NDUFV2: variants seen among roughly 807,000 people sequenced by gnomAD.
NDUFV2 encodes NADH:ubiquinone oxidoreductase core subunit V2, also known as NADH dehydrogenase [ubiquinone] flavoprotein 2, mitochondrial.
NDUFV2 carries 18 observed loss-of-function variants against 31.6 expected under a neutral mutation model. That is an observed-to-expected ratio of 0.57 (90% CI 0.39 to 0.84). NDUFV2 has a LOEUF of 0.84. Ranked by LOEUF, NDUFV2 falls within the 40% of genes least tolerant of loss-of-function variation. The pLI is 0.00. For missense variants in NDUFV2, 314 were observed against 303.6 expected (o/e 1.03, Z -0.26); for synonymous variants, 83 against 99.8 (o/e 0.83, Z 1.01).
At chr18:9,117,809 C>T (rs1351780568) in intron 1 of NDUFV2, 29 bp from the exon 2 acceptor site, 5 of 1,388,442 alleles carry the variant, frequency 3.6e-6, no homozygotes, top group Non-Finnish European at 1.0e-6. Context: ...CTATGATTTA[C>T]TAAACTTTCT....
chr18:9,134,167 A>T lies in NDUFV2; in HGVS notation c.657-19A>T, dbSNP rs931940025. ...ACAAATGTTAATCATTAATAGTTTA[A>T]TATTACTTTTCATTTCAGGAGTGGA... On this transcript the variant is annotated intron_variant, in intron 7 of 7. Transcript: ENST00000318388. The T allele has an allele frequency of 6.3e-7, 1 of 1,587,164 alleles. No homozygotes were observed. The highest frequency in any genetic ancestry group is 8.7e-7 in the Non-Finnish European group (1 of 1,155,944).
chr18:9,131,441 C>T (rs1455242336), intron 7 of NDUFV2, among the ~76,000 whole-genome samples: 1 of 152,158 alleles, frequency 6.6e-6, no homozygotes, highest in Non-Finnish European at 1.5e-5. Context: ...TTTCAGGTTA[C>T]TAATAGGTAG....
In NDUFV2 at chr18:9,117,821, A is replaced by T; in HGVS notation, c.55-17A>T. ...AGGCTATGATTTACTAAACTTTCTT[A>T]AAATTTTAAATTTTAGGGAAGACAT... On this transcript the variant is annotated splice_polypyrimidine_tract_variant and intron_variant, in intron 1 of 7. Coordinates refer to ENST00000318388, the MANE Select transcript of NDUFV2 (RefSeq NM_021074.5). The T allele has an allele frequency of 5.0e-6, 7 of 1,399,352 alleles. No homozygotes were observed. The highest frequency in any genetic ancestry group is 6.1e-6 in the Non-Finnish European group (6 of 985,592). 86.7% of individuals were successfully genotyped at this position (1,399,352 alleles called of 1,614,324 possible). A position where few individuals can be genotyped will look rare whatever the true frequency, so the allele number is the denominator to read the frequency against.
chr18:9,127,595 C>G (rs1236652198), intron 7 of NDUFV2, among the ~76,000 whole-genome samples: 1 of 152,182 alleles, frequency 6.6e-6, no homozygotes, highest in Non-Finnish European at 1.5e-5. Context: ...TCTCAGCCTC[C>G]CGAGTAGCTG....
chr18:9,128,484 G>A (rs1248153998), intron 7 of NDUFV2, among the ~76,000 whole-genome samples: 1 of 152,178 alleles, frequency 6.6e-6, no homozygotes, highest in African/African-American at 2.4e-5. Context: ...CTTAAAGAGT[G>A]TTGGCATTTT....
At chr18:9,126,756 G>T in intron 6 of NDUFV2, 75 bp from the exon 7 acceptor site, 1 of 1,333,936 alleles carries the variant, frequency 7.5e-7, no homozygotes, top group East Asian at 2.4e-5. Flanking sequence ...GCAACATAGT[G>T]AGACCTTGTC....
At chr18:9,125,569 C>A (rs147665487) in intron 6 of NDUFV2, among the ~76,000 whole-genome samples, 29 of 149,274 alleles carry the variant, frequency 1.9e-4, no homozygotes, top group Admixed American at 5.3e-4. Context: ...ATTTTGATTT[C>A]TTTGACCTGT....
rs775174756 is a variant in NDUFV2 at position 9,126,877 on chromosome 18, A to G, written c.626A>G (p.Lys209Arg). The G allele has an allele frequency of 1.7e-5, 27 of 1,613,882 alleles. No individual in the cohort carries two copies. The highest frequency in any genetic ancestry group is 2.2e-5 in the Non-Finnish European group (26 of 1,179,934). The stretch of plus-strand genomic sequence containing the variant: ...ATTGAAGAAATTATTGATGAGCTCA[A>G]GGCTGGCAAAATCCCAAAACCAGGG... ...KDIEEIIDEL[K>R]AGKIPKPGPR... Residue 209 changes from lysine (K) to arginine (R), a missense_variant, in exon 7 of 8, where the codon AAG becomes AGG. Lys to Arg is a conservative substitution (Grantham distance 26, BLOSUM62 2). Transcript: ENST00000318388.
intron 1 of NDUFV2, among the ~76,000 whole-genome samples, chr18:9,110,672 T>G (rs966471322): frequency 1.3e-5 from 2 of 152,164 alleles, no homozygotes; most frequent in African/African-American, 4.8e-5. Flanking sequence ...CATGCCTGGC[T>G]AACTTTTGTA....
intron 1 of NDUFV2, chr18:9,104,280 T>G (rs2077830228): frequency 6.2e-7 from 1 of 1,612,272 alleles, no homozygotes; most frequent in African/African-American, 1.3e-5. Context: ...ATATTGGAGC[T>G]CCTGGCGTGC....
intron 7 of NDUFV2, among the ~76,000 whole-genome samples, chr18:9,128,124 G>A (rs536999067): frequency 3.3e-5 from 5 of 151,956 alleles, no homozygotes; most frequent in Non-Finnish European, 7.4e-5. Flanking sequence ...CAAATTTTTT[G>A]TTTATGTATA....
chr18:9,107,191 G>A (rs1185151182), intron 1 of NDUFV2, among the ~76,000 whole-genome samples: 4 of 152,200 alleles, frequency 2.6e-5, no homozygotes, highest in Non-Finnish European at 4.4e-5. Flanking sequence ...AGGTTCAGTA[G>A]GCCACTATTG....
intron 1 of NDUFV2, 68 bp from the exon 2 acceptor site, chr18:9,117,770 A>G (rs916225862): frequency 2.0e-5 from 17 of 863,316 alleles, no homozygotes; most frequent in Non-Finnish European, 3.2e-5. Flanking sequence ...TGAATCCTAA[A>G]GTATTTCTTT....
At chr18:9,103,376 A>G (rs1000197358) in intron 1 of NDUFV2, 185 of 373,676 alleles carry the variant, frequency 5.0e-4, no homozygotes, top group African/African-American at 3.4e-3. Flanking sequence ...CACCCAATTA[A>G]AGAACCACAG....
intron 1 of NDUFV2, 129 bp downstream of exon 1, chr18:9,102,926 G>A: frequency 1.0e-6 from 1 of 972,860 alleles, no homozygotes; most frequent in South Asian, 1.8e-5. Flanking sequence ...GGACACTGCG[G>A]CCTTAGCCCT....
chr18:9,127,721 T>C (rs368258685), intron 7 of NDUFV2, among the ~76,000 whole-genome samples: 6 of 152,214 alleles, frequency 3.9e-5, no homozygotes, highest in African/African-American at 1.2e-4. Flanking sequence ...ATCTGCCCGC[T>C]TCAGACTCCC....
chr18:9,106,819 T>G (rs1732376233), intron 1 of NDUFV2, among the ~76,000 whole-genome samples: 1 of 152,172 alleles, frequency 6.6e-6, no homozygotes, highest in South Asian at 2.1e-4. Flanking sequence ...TTTTCTTGGC[T>G]TTTCCAGCTT....
intron 4 of NDUFV2, among the ~76,000 whole-genome samples, chr18:9,120,224 ATCATT>A (rs1219649907): frequency 6.6e-6 from 1 of 152,180 alleles, no homozygotes; most frequent in African/African-American, 2.4e-5. Flanking sequence ...ATTACAGCAT[ATCATT>A]TATAAAGTGC....
intron 2 of NDUFV2, among the ~76,000 whole-genome samples, 169 bp from the exon 3 acceptor site, chr18:9,119,157 T>C (rs541471771): frequency 6.6e-6 from 1 of 152,284 alleles, no homozygotes; most frequent in South Asian, 2.1e-4. Context: ...GTAATCATAC[T>C]TATCAAATGT....
Sources: gnomAD v4.1 joint callset for allele counts (sites outside exome capture counted in the v4.1 genomes callset) on GRCh38, gnomAD v4.1.1 for gene constraint, MANE v1.5 for transcripts, NCBI Gene and HGNC (gene_info 2026-07-23, HGNC 2026-07-21) for gene names.